IGDCC4: variants seen among roughly 807,000 people sequenced by gnomAD.
IGDCC4 encodes the protein immunoglobulin superfamily DCC subclass member 4, also known as likely ortholog of mouse neighbor of Punc E11.
IGDCC4 carries 72 observed loss-of-function variants against 116.6 expected under a neutral mutation model. That is an observed-to-expected ratio of 0.62 (90% CI 0.51 to 0.75). The LOEUF (loss-of-function observed/expected upper bound fraction) is 0.75, where lower values mean the gene tolerates loss of function less well. Ranked by LOEUF, IGDCC4 falls within the 30% of genes least tolerant of loss-of-function variation. The pLI is 0.00. For missense variants in IGDCC4, 1,501 were observed against 1,662.4 expected (o/e 0.90, Z 1.69); for synonymous variants, 709 against 719.9 (o/e 0.98, Z 0.24).
chr15:65,421,926 C>A (rs1032192294), intron 1 of IGDCC4, among the ~76,000 whole-genome samples: 3 of 152,108 alleles, frequency 2.0e-5, no homozygotes, highest in African/African-American at 7.2e-5. Context: ...CTTTCTCCAG[C>A]TTGGACAACT....
intron 5 of IGDCC4, 55 bp downstream of exon 5, chr15:65,400,751 G>A (rs1364311393): frequency 3.2e-6 from 5 of 1,545,038 alleles, no homozygotes; most frequent in Non-Finnish European, 4.4e-6. Flanking sequence ...AGGGGCATGT[G>A]AGATGCCACA....
At chr15:65,389,826 G>A (rs555086803) in intron 13 of IGDCC4, among the ~76,000 whole-genome samples, 6 of 152,348 alleles carry the variant, frequency 3.9e-5, no homozygotes, top group Admixed American at 3.9e-4. Flanking sequence ...GCAGCTCTGA[G>A]GACAGGGGTG....
Position 65,385,735 on chromosome 15 carries a change from A to C in IGDCC4, c.3180+96T>G. On this transcript the variant is annotated intron_variant, in intron 18 of 19. Transcript: ENST00000352385. ...CTAGCGTCCGCAGCCGGCTCCGAAG[A>C]GGAGGTAGAGCCATGCTCGCATAGC... The C allele has an allele frequency of 9.9e-6, 10 of 1,012,070 alleles. No homozygotes were observed. The South Asian group carries it at 1.3e-4, about 13-fold the overall frequency. The allele number at this position is 1,012,070 out of a possible 1,614,324, so 62.7% of individuals were successfully genotyped here. A position where few individuals can be genotyped will look rare whatever the true frequency, so the allele number is the denominator to read the frequency against.
chr15:65,400,945 C>T lies in IGDCC4; in HGVS notation c.702G>A (p.Gly234=), dbSNP rs375273621. 6.2e-7 allele frequency: 1 copy of T among 1,614,054 alleles called. No individual in the cohort carries two copies. The highest frequency in any genetic ancestry group is 8.5e-7 in the Non-Finnish European group (1 of 1,180,010). ...CCTGCCCCCTGGTGGACGCCAGGGA[C>T]CCTGGCGAGAAGACAGACCAGCAGG... The part of the protein sequence containing the change: ...QEALLSVAHR[G]SLASTRGQDV... Residue 234 remains glycine (G), a splice_region_variant and synonymous_variant, in exon 5 of 20, where the codon GGG becomes GGA. Coordinates refer to ENST00000352385, the MANE Select transcript of IGDCC4 (RefSeq NM_020962.3).
intron 3 of IGDCC4, 26 bp from the exon 4 acceptor site, chr15:65,402,513 G>A: frequency 6.4e-7 from 1 of 1,560,570 alleles, no homozygotes. Flanking sequence ...GCAGGCAACT[G>A]TGAGGTGGGC....
intron 13 of IGDCC4, 52 bp from the exon 14 acceptor site, chr15:65,389,463 G>A (rs11071841): frequency 0.16 from 258,604 of 1,612,632 alleles, 22,911 homozygotes; most frequent in East Asian, 0.42. Flanking sequence ...CTCCCAGCAG[G>A]GCAGACTCCT....
At position 65,395,860 on chromosome 15, in the gene IGDCC4, C is replaced by T. The variant is rs559969944; in HGVS notation, c.1301G>A (p.Arg434Gln). Reference protein sequence around the residue: ...VREGLPSAPTRVTATPLSSSA... With the variant: ...VREGLPSAPTQVTATPLSSSA... The stretch of plus-strand genomic sequence containing the variant: ...GCTGCTCAGTGGCGTAGCAGTGACC[C>T]GCGTGGGGGCGCTGGGCAGCCCCTC... Residue 434 changes from arginine (R) to glutamine (Q), a missense_variant, in exon 7 of 20, where the codon CGG (arginine) becomes CAG (glutamine). Physicochemically the swap from Arg to Gln is conservative, Grantham distance 43. Transcript: ENST00000352385. 1.9e-6 allele frequency: 3 copies of T among 1,579,386 alleles called. No individual in the cohort carries two copies. The highest frequency in any genetic ancestry group is 2.6e-6 in the Non-Finnish European group (3 of 1,169,858).
rs1342791753 is a variant in IGDCC4 at position 65,383,762 on chromosome 15, C to G, written c.*247G>C. The G allele has an allele frequency of 7.0e-6, 3 of 430,336 alleles. No individual in the cohort carries two copies. The highest frequency in any genetic ancestry group is 2.0e-5 in the African/African-American group (1 of 49,674). The allele number at this position is 430,336 out of a possible 1,614,324, so 26.7% of individuals were successfully genotyped here. A position where few individuals can be genotyped will look rare whatever the true frequency, so the allele number is the denominator to read the frequency against. ...TCAACAACCAGTACGCATACATGCA[C>G]TTCACACATGTGCACATCACATGTA... On this transcript the variant is annotated 3_prime_UTR_variant, in exon 20 of 20. Transcript: ENST00000352385.
intron 12 of IGDCC4, 42 bp from the exon 13 acceptor site, chr15:65,390,380 A>G: frequency 6.7e-7 from 1 of 1,496,760 alleles, no homozygotes; most frequent in Non-Finnish European, 9.1e-7. Flanking sequence ...GAGGGAGGAT[A>G]CTCATCCTTA....
Position 65,396,926 on chromosome 15 carries a change from G to A in IGDCC4, c.905C>T (p.Ala302Val), listed in dbSNP as rs1385057176. The stretch of plus-strand genomic sequence containing the variant: ...ATAGACGCCGGAGTGCCAGGGCTGC[G>A]CGTTGGCAATTAGTAGGTTGGTGCG... The part of the protein sequence containing the change: ...LGRTNLLIAN[A>V]QPWHSGVYVC... The change falls in exon 6 of 20, where the codon GCG becomes GTG. Residue 302 changes from alanine to valine, a missense_variant. By Grantham distance (64) the Ala-to-Val change is moderately conservative (BLOSUM62 0). Transcript: ENST00000352385. 1.3e-6 allele frequency: 2 copies of A among 1,575,226 alleles called. No individual in the cohort carries two copies. The highest frequency in any genetic ancestry group is 1.7e-6 in the Non-Finnish European group (2 of 1,159,994).
chr15:65,386,696 A>G (rs2091464243), intron 16 of IGDCC4, 40 bp from the exon 17 acceptor site: 1 of 1,514,806 alleles, frequency 6.6e-7, no homozygotes, highest in Non-Finnish European at 9.1e-7. Context: ...GTCAGGACAG[A>G]GGAAGGGCAC....
At chr15:65,419,772 G>C (rs902456463) in intron 1 of IGDCC4, among the ~76,000 whole-genome samples, 22 of 152,146 alleles carry the variant, frequency 1.4e-4, no homozygotes, top group Admixed American at 1.4e-3. Context: ...AGAAGGGAGA[G>C]CCGAGAGCCC....
intron 18 of IGDCC4, 21 bp from the exon 19 acceptor site, chr15:65,385,136 G>T (rs755735966): frequency 1.9e-6 from 3 of 1,556,966 alleles, no homozygotes; most frequent in African/African-American, 2.7e-5. Flanking sequence ...GAAAGAAGGG[G>T]ACAGTAAGGG....
At chr15:65,407,034 G>C (rs373322140) in intron 3 of IGDCC4, among the ~76,000 whole-genome samples, 10 of 152,044 alleles carry the variant, frequency 6.6e-5, no homozygotes, top group South Asian at 2.1e-4. Context: ...GACCTCACAG[G>C]TTCCGCACCC....
intron 1 of IGDCC4, among the ~76,000 whole-genome samples, chr15:65,413,101 C>T (rs981624358): frequency 3.3e-5 from 5 of 151,438 alleles, no homozygotes; most frequent in Non-Finnish European, 7.4e-5. Flanking sequence ...AAATAAGTCC[C>T]AGCTGTTTGG....
chr15:65,415,509 G>A (rs1278410224), intron 1 of IGDCC4, among the ~76,000 whole-genome samples: 10 of 152,222 alleles, frequency 6.6e-5, no homozygotes, highest in African/African-American at 2.4e-4. Context: ...CAACAGGAAC[G>A]TAGACACAGA....
intron 3 of IGDCC4, among the ~76,000 whole-genome samples, chr15:65,407,901 T>A (rs532676031): frequency 2.6e-4 from 39 of 152,156 alleles, no homozygotes; most frequent in African/African-American, 9.4e-4. Context: ...CCCAAAGTGC[T>A]GGGATTACAG....
In IGDCC4 at chr15:65,384,440, A is replaced by C. The variant is rs768076753; in HGVS notation, c.3343-21T>G. On this transcript the variant is annotated intron_variant, in intron 19 of 19. Transcript: ENST00000352385. The surrounding 1 kb of genome is among the most constrained non-coding windows in gnomAD (Gnocchi z 4.9). ...TTGCCCTGATCAGAGCAGAGAACAC[A>C]AAGACAAAGTGACCATTACTGAGAG... is the stretch of plus-strand genomic sequence containing the variant. 28 of 1,486,028 alleles carry C rather than the reference A, an allele frequency of 1.9e-5. No individual in the cohort carries two copies. In the African/African-American group the frequency reaches 3.1e-4, roughly 16 times the overall value. The allele number at this position is 1,486,028 out of a possible 1,614,324, so 92.1% of individuals were successfully genotyped here.
chr15:65,391,736 C>T (rs564557279), intron 12 of IGDCC4, 144 bp downstream of exon 12: 1 of 698,730 alleles, frequency 1.4e-6, no homozygotes, highest in Non-Finnish European at 2.5e-6. Context: ...AAAGAGGACC[C>T]CTGATCCTAG....
Sources: allele counts gnomAD v4.1 joint callset (sites outside exome capture counted in the v4.1 genomes callset), GRCh38; gene constraint gnomAD v4.1.1; non-coding constraint Gnocchi (gnomAD v3.1); transcripts MANE v1.5; gene names NCBI Gene and HGNC (gene_info 2026-07-23, HGNC 2026-07-21).